CERS4: variants seen among roughly 807,000 people sequenced by gnomAD.
CERS4 encodes the protein ceramide synthase 4, also known as LAG1 homolog, ceramide synthase 4.
In CERS4, 65 loss-of-function variants were observed where a neutral mutation model predicts 51.8. The observed-to-expected ratio is 1.26, with a 90% CI of 1.03 to 1.54. The LOEUF is 1.54. Ranked by LOEUF, CERS4 falls within the 40% of genes most tolerant of loss-of-function variation. The pLI is 0.00. For synonymous variants in CERS4, 228 were observed against 208.4 expected (o/e 1.09, Z -0.81); for missense variants, 563 against 500.4 (o/e 1.13, Z -1.19).
At chr19:8,232,761 C>T (rs1238756225) in intron 2 of CERS4, among the ~76,000 whole-genome samples, 1 of 150,166 alleles carries the variant, frequency 6.7e-6, no homozygotes, top group Non-Finnish European at 1.5e-5. Flanking sequence ...CACCCTGTTG[C>T]CCAGGTTAGA....
chr19:8,232,831 C>T (rs1394941674), intron 2 of CERS4, among the ~76,000 whole-genome samples: 1 of 150,758 alleles, frequency 6.6e-6, no homozygotes, highest in Non-Finnish European at 1.5e-5. Flanking sequence ...GTCATCCTTC[C>T]ACCTCAGCCT....
chr19:8,220,966 C>A (rs1466176823), intron 2 of CERS4, among the ~76,000 whole-genome samples: 1 of 151,692 alleles, frequency 6.6e-6, no homozygotes, highest in South Asian at 2.1e-4. Flanking sequence ...GGACTATAGG[C>A]GCCCGCCACG....
At chr19:8,216,849 G>A (rs950239266) in intron 2 of CERS4, among the ~76,000 whole-genome samples, 1 of 152,072 alleles carries the variant, frequency 6.6e-6, no homozygotes, top group African/African-American at 2.4e-5. Flanking sequence ...GCGTACCTCG[G>A]GTGGCAGGTA....
rs1969060270 is a variant in CERS4, at chr19:8,251,206, C to T, written c.130C>T (p.Pro44Ser). The change falls in exon 3 of 12, where the codon CCC becomes TCC. Residue 44 changes from proline (P) to serine (S), a missense_variant. By Grantham distance (74) the Pro-to-Ser change is moderately conservative. Coordinates refer to ENST00000251363, the MANE Select transcript of CERS4 (RefSeq NM_024552.3). ...CCCCCAGGACTTGTTGGCAGCCCTG[C>T]CCCTGGCGCTGGTCCTCCTGGCCAT... is the stretch of plus-strand genomic sequence containing the variant. ...PHPQDLLAAL[P>S]LALVLLAMRL... is the part of the protein sequence containing the mutation. 6.2e-7 allele frequency: 1 copy of T among 1,612,154 alleles called. No individual in the cohort carries two copies. The highest frequency in any genetic ancestry group is 1.7e-5 in the Admixed American group (1 of 59,614).
chr19:8,258,124 T>C, intron 10 of CERS4, 139 bp downstream of exon 10: 1 of 726,718 alleles, frequency 1.4e-6, no homozygotes, highest in East Asian at 2.5e-5. Flanking sequence ...GGGAAGGGTG[T>C]GCCAGGCACA....
At position 8,211,051 on chromosome 19, in the gene CERS4, C is replaced by T. The variant is rs905132815; in HGVS notation, c.-2+189C>T. Among the ~76,000 whole-genome samples, 8 of 139,070 alleles carry T rather than the reference C, an allele frequency of 5.8e-5. No individual in the cohort carries two copies. In the South Asian group the frequency reaches 7.1e-4, roughly 12 times the overall value. 91.2% of individuals were successfully genotyped at this position (139,070 alleles called of 152,430 possible). A position where few individuals can be genotyped will look rare whatever the true frequency, so the allele number is the denominator to read the frequency against. ...GGCAGATCTCGGTGGCAGCCACACCCCTAAGGAACCGGAGAGGGTTCTAAC... is the reference window on the plus strand; with the variant it reads ...GGCAGATCTCGGTGGCAGCCACACCTCTAAGGAACCGGAGAGGGTTCTAAC... On this transcript the variant is annotated intron_variant, in intron 2 of 11. Coordinates refer to ENST00000251363, the MANE Select transcript of CERS4 (RefSeq NM_024552.3).
chr19:8,239,613 G>A (rs1968438185), intron 2 of CERS4: 1 of 152,100 alleles, frequency 6.6e-6, no homozygotes, highest in African/African-American at 2.4e-5. Context: ...TTCTATCCTT[G>A]ACTGTCCCCC....
chr19:8,227,238 T>C (rs1261726528), intron 2 of CERS4, among the ~76,000 whole-genome samples: 1 of 152,160 alleles, frequency 6.6e-6, no homozygotes, highest in Non-Finnish European at 1.5e-5. Flanking sequence ...AAACACACCT[T>C]CAGTGGAAAT....
rs1297719286 is a variant in CERS4 at position 8,210,905 on chromosome 19, T to C, written c.-2+43T>C. 6.6e-6 allele frequency: 1 copy of C among 152,206 alleles called. No homozygotes were observed. The highest frequency in any genetic ancestry group is 2.4e-5 in the African/African-American group (1 of 41,400). 9.4% of individuals were successfully genotyped at this position (152,206 alleles called of 1,614,324 possible). A position where few individuals can be genotyped will look rare whatever the true frequency, so the allele number is the denominator to read the frequency against. ...TGTGGGGGGTGGGGGGCGGCCTTGG[T>C]CGTTGAACTGGCTGTAGGGCCCCCA... On this transcript the variant is annotated intron_variant, in intron 2 of 11. Transcript: ENST00000251363. This position sits in a 1 kb window ranked among gnomAD's most constrained non-coding sequence, Gnocchi z 4.2.
intron 2 of CERS4, among the ~76,000 whole-genome samples, chr19:8,235,025 TC>T (rs1968181631): frequency 5.4e-5 from 8 of 147,402 alleles, no homozygotes; most frequent in East Asian, 2.0e-4. Context: ...TTTTTTTTTT[TC>T]AGACAGAGTT....
rs780841280 is a variant in CERS4, at chr19:8,255,741, G to A, written c.410+16G>A. ...GTGAGGCCAGGTAAGCCCAGGATGG[G>A]GCTTCTGGGGTGCAGGGAAGCGGGC... is the stretch of plus-strand genomic sequence containing the variant. On this transcript the variant is annotated intron_variant, in intron 5 of 11. Transcript: ENST00000251363. 6.2e-7 allele frequency: 1 copy of A among 1,611,868 alleles called. No homozygotes were observed. The highest frequency in any genetic ancestry group is 1.3e-5 in the African/African-American group (1 of 74,940).
intron 2 of CERS4, among the ~76,000 whole-genome samples, chr19:8,216,082 T>A (rs1171153760): frequency 2.0e-5 from 3 of 151,988 alleles, no homozygotes; most frequent in Non-Finnish European, 4.4e-5. Flanking sequence ...ACCTCCCTCT[T>A]TAAAATTGTA....
intron 2 of CERS4, among the ~76,000 whole-genome samples, chr19:8,245,117 A>ACAAAACAAAAC (rs1260338046): frequency 8.4e-5 from 12 of 143,090 alleles, no homozygotes; most frequent in Admixed American, 5.6e-4. Flanking sequence ...ATCTCAAAAA[A>ACAAAACAAAAC]AAAAAAAAAA....
intron 6 of CERS4, 51 bp from the exon 7 acceptor site, chr19:8,256,185 T>C: frequency 6.4e-7 from 1 of 1,563,692 alleles, no homozygotes; most frequent in South Asian, 1.2e-5. Context: ...AGACCCAGGG[T>C]GGGAGGTTGG....
intron 2 of CERS4, among the ~76,000 whole-genome samples, chr19:8,217,462 G>T (rs532337854): frequency 6.6e-6 from 1 of 151,804 alleles, no homozygotes; most frequent in Non-Finnish European, 1.5e-5. Flanking sequence ...TCCGCCTCCC[G>T]AGTTCAAGCG....
chr19:8,254,875 A>AC (rs34267454), intron 4 of CERS4, among the ~76,000 whole-genome samples: 36,604 of 144,922 alleles, frequency 0.25, 5,815 homozygotes, highest in Non-Finnish European at 0.37. Context: ...GGAGATGAGG[A>AC]CCCCCCCCTT....
rs546651028 is a variant in CERS4, at chr19:8,256,336, C to G, written c.519+50C>G. The G allele has an allele frequency of 2.0e-5, 32 of 1,595,302 alleles. 1 individual carries two copies. In the South Asian group the frequency reaches 3.6e-4, roughly 18 times the overall value. ...GCTTGGAGGGTGAGGGCGATGATCACAGTTGCTGCAGCCATGGGCATGGGA... is the reference window on the plus strand; with the variant it reads ...GCTTGGAGGGTGAGGGCGATGATCAGAGTTGCTGCAGCCATGGGCATGGGA... On this transcript the variant is annotated intron_variant, in intron 7 of 11. Coordinates refer to ENST00000251363, the MANE Select transcript of CERS4 (RefSeq NM_024552.3).
At chr19:8,244,506 A>G (rs774676084) in intron 2 of CERS4, among the ~76,000 whole-genome samples, 12 of 151,222 alleles carry the variant, frequency 7.9e-5, no homozygotes, top group Non-Finnish European at 1.8e-4. Context: ...TCCTCTCCCA[A>G]CCCTTCTCTT....
At chr19:8,240,886 C>G (rs1479897067) in intron 2 of CERS4, among the ~76,000 whole-genome samples, 2 of 152,100 alleles carry the variant, frequency 1.3e-5, no homozygotes, top group Non-Finnish European at 2.9e-5. Context: ...CCCATTCTCT[C>G]TCTTTCCCCC....
Sources: allele counts gnomAD v4.1 joint callset (sites outside exome capture counted in the v4.1 genomes callset), GRCh38; gene constraint gnomAD v4.1.1; non-coding constraint Gnocchi (gnomAD v3.1); transcripts MANE v1.5; gene names NCBI Gene and HGNC (gene_info 2026-07-23, HGNC 2026-07-21).